Variants in SIL1 observed in about 807,000 individuals in gnomAD.
The protein encoded by SIL1 is SIL1 nucleotide exchange factor, also known as nucleotide exchange factor SIL1.
In SIL1, 40 loss-of-function variants were observed where a neutral mutation model predicts 49.1. That is an observed-to-expected ratio of 0.81 (90% CI 0.63 to 1.06). The LOEUF is 1.06. Among genes scored for constraint, SIL1 ranks in the 50% least tolerant of loss-of-function variants. The pLI, the probability that SIL1 is intolerant of heterozygous loss-of-function variation, is 0.00. For synonymous variants in SIL1, 253 were observed against 250.8 expected, an observed-to-expected ratio of 1.01 and a Z score of -0.08; for missense variants, 500 against 572.6, an observed-to-expected ratio of 0.87 and a Z score of 1.29.
chr5:139,161,630 A>G (rs930875020), intron 1 of SIL1, among the ~76,000 whole-genome samples: 4 of 152,196 alleles, frequency 2.6e-5, no homozygotes, highest in Non-Finnish European at 5.9e-5. Context: ...GAGCACCAAT[A>G]ACATTTAGGA....
At chr5:139,035,328 C>A in intron 5 of SIL1, 2 of 528,966 alleles carry the variant, frequency 3.8e-6, no homozygotes, top group Non-Finnish European at 3.7e-6. Flanking sequence ...AATCTCATCA[C>A]AAGTGATATT....
intron 1 of SIL1, among the ~76,000 whole-genome samples, chr5:139,161,677 T>G (rs1751516599): frequency 6.6e-6 from 1 of 152,148 alleles, no homozygotes; most frequent in South Asian, 2.1e-4. Context: ...GTCCCACATC[T>G]TCCTTACTCC....
At chr5:139,036,024 G>A (rs1768902137) in intron 5 of SIL1, 1 of 152,046 alleles carries the variant, frequency 6.6e-6, no homozygotes, top group South Asian at 2.1e-4. Context: ...TTTTTTTCTT[G>A]TAAATTTGTT....
At chr5:139,024,402 A>G (rs1768599163) in intron 6 of SIL1, among the ~76,000 whole-genome samples, 1 of 152,180 alleles carries the variant, frequency 6.6e-6, no homozygotes, top group South Asian at 2.1e-4. Context: ...GGCCTGAGAA[A>G]GAGTTATGAG....
chr5:139,082,045 T>C (rs1474011755), intron 3 of SIL1, among the ~76,000 whole-genome samples: 4 of 152,194 alleles, frequency 2.6e-5, no homozygotes. Flanking sequence ...AAATTACCAC[T>C]TGGTACTGGG....
At chr5:139,043,168 G>GA (rs1165621020) in intron 4 of SIL1, among the ~76,000 whole-genome samples, 1 of 152,194 alleles carries the variant, frequency 6.6e-6, no homozygotes, top group Non-Finnish European at 1.5e-5. Flanking sequence ...GAAGAGGAAA[G>GA]ACGCAGCTGA....
At chr5:138,952,128 C>T (rs1177558411) in intron 7 of SIL1, among the ~76,000 whole-genome samples, 2 of 152,260 alleles carry the variant, frequency 1.3e-5, no homozygotes, top group African/African-American at 2.4e-5. Context: ...CCCCAGCAGC[C>T]AAGGGGCTGG....
At chr5:138,957,090 A>G (rs1005176122) in intron 7 of SIL1, among the ~76,000 whole-genome samples, 3 of 152,104 alleles carry the variant, frequency 2.0e-5, no homozygotes, top group Non-Finnish European at 4.4e-5. Context: ...ACTGACAGAC[A>G]CACACACAAT....
intron 1 of SIL1, among the ~76,000 whole-genome samples, chr5:139,169,977 C>T (rs560441450): frequency 6.6e-6 from 1 of 152,338 alleles, no homozygotes; most frequent in East Asian, 1.9e-4. Context: ...CCTGATTCTC[C>T]TGCCTCAGCC....
intron 1 of SIL1, among the ~76,000 whole-genome samples, chr5:139,144,325 T>TA (rs1561879219): frequency 1.3e-5 from 2 of 151,696 alleles, no homozygotes; most frequent in South Asian, 4.2e-4. Context: ...TCCCATCTCT[T>TA]AAAAAAACAA....
At chr5:138,954,362 T>A (rs6892637) in intron 7 of SIL1, among the ~76,000 whole-genome samples, 2,300 of 152,378 alleles carry the variant, frequency 0.015, 53 homozygotes, top group African/African-American at 0.048. Context: ...GTGCACAGCC[T>A]TGGCAGCCCT....
intron 7 of SIL1, among the ~76,000 whole-genome samples, chr5:138,966,163 A>G (rs1343627502): frequency 6.6e-6 from 1 of 152,166 alleles, no homozygotes; most frequent in Non-Finnish European, 1.5e-5. Context: ...AGCATAATCA[A>G]GACCAGCCTT....
At chr5:139,193,650 T>C (rs1307167166) in intron 1 of SIL1, among the ~76,000 whole-genome samples, 1 of 152,158 alleles carries the variant, frequency 6.6e-6, no homozygotes, top group African/African-American at 2.4e-5. Flanking sequence ...TGAAAAATAA[T>C]TAGATGAACC....
chr5:139,141,699 G>A (rs920054227), intron 1 of SIL1, among the ~76,000 whole-genome samples: 1 of 152,048 alleles, frequency 6.6e-6, no homozygotes, highest in African/African-American at 2.4e-5. Flanking sequence ...AGTGAAAGCA[G>A]CAGAACCTAA....
intron 1 of SIL1, chr5:139,133,533 G>C (rs1467341790): frequency 1.3e-5 from 2 of 152,264 alleles, no homozygotes; most frequent in East Asian, 3.8e-4. Context: ...AAAAGAATGG[G>C]ATGAGGATGG....
intron 3 of SIL1, among the ~76,000 whole-genome samples, chr5:139,099,107 A>G (rs1011493917): frequency 1.1e-4 from 16 of 152,014 alleles, no homozygotes; most frequent in Admixed American, 9.2e-4. Context: ...GTGAGCCACC[A>G]CACCTGGCCT....
At chr5:139,135,787 G>A (rs113788073) in intron 1 of SIL1, among the ~76,000 whole-genome samples, 135 of 151,596 alleles carry the variant, frequency 8.9e-4, no homozygotes, top group African/African-American at 2.2e-3. Context: ...TGACACAATC[G>A]GGCATGGTGG....
intron 3 of SIL1, among the ~76,000 whole-genome samples, chr5:139,075,952 G>A (rs1331346287): frequency 6.6e-6 from 1 of 152,140 alleles, no homozygotes; most frequent in Non-Finnish European, 1.5e-5. Context: ...TTCCCAATAC[G>A]ATCTGCCAAG....
intron 1 of SIL1, among the ~76,000 whole-genome samples, chr5:139,185,696 G>A (rs1752066178): frequency 6.6e-6 from 1 of 152,216 alleles, no homozygotes; most frequent in Non-Finnish European, 1.5e-5. Context: ...AAACTGCACT[G>A]CTTTCAGTTT....
Sources: gnomAD v4.1 joint callset for allele counts (sites outside exome capture counted in the v4.1 genomes callset) on GRCh38, gnomAD v4.1.1 for gene constraint, MANE v1.5 for transcripts, NCBI Gene and HGNC (gene_info 2026-07-23, HGNC 2026-07-21) for gene names.